The following CRYBG1 variants were observed in gnomAD, a reference collection of about 807,000 sequenced individuals.
CRYBG1 encodes crystallin beta-gamma domain containing 1, also known as beta/gamma crystallin domain-containing protein 1.
CRYBG1 carries 139 observed loss-of-function variants against 189.2 expected under a neutral mutation model. That is an observed-to-expected ratio of 0.73 (90% CI 0.64 to 0.85). The LOEUF (loss-of-function observed/expected upper bound fraction) is 0.85, where lower values mean the gene tolerates loss of function less well. Ranked by LOEUF, CRYBG1 falls within the 40% of genes least tolerant of loss-of-function variation. The probability of loss-of-function intolerance (pLI) is 0.00; values close to 1 mark genes in which losing one functional copy is unlikely to be tolerated. For synonymous variants in CRYBG1, 1,023 were observed against 1,017.1 expected (o/e 1.01, Z -0.11); for missense variants, 2,611 against 2,675.8 (o/e 0.98, Z 0.53).
chr6:106,566,464 CTTTTTTTTTTTT>C (rs34773477), intron 21 of CRYBG1, among the ~76,000 whole-genome samples: 5 of 71,650 alleles, frequency 7.0e-5, no homozygotes, highest in Admixed American at 4.9e-4. Context: ...CAACAACAGT[CTTTTTTTTTTTT>C]TTTTTTTTTT....
chr6:106,543,322 G>A (rs1433372947), intron 10 of CRYBG1, 118 bp from the exon 11 acceptor site: 8 of 1,037,246 alleles, frequency 7.7e-6, no homozygotes, highest in Middle Eastern at 2.9e-4. Flanking sequence ...GAGCCACCGC[G>A]CCCAGTCAGA....
chr6:106,523,208 G>T (rs1026345927), intron 4 of CRYBG1, among the ~76,000 whole-genome samples: 1 of 152,068 alleles, frequency 6.6e-6, no homozygotes, highest in Non-Finnish European at 1.5e-5. Context: ...GGAGACCCCC[G>T]CAGTGGCCTC....
At chr6:106,464,638 G>C (rs1003554664) in intron 2 of CRYBG1, among the ~76,000 whole-genome samples, 1 of 152,190 alleles carries the variant, frequency 6.6e-6, no homozygotes, top group Non-Finnish European at 1.5e-5. Flanking sequence ...ATTAGGGACT[G>C]TTCTGAGCAT....
At chr6:106,447,550 A>ATG (rs1335163401) in intron 1 of CRYBG1, among the ~76,000 whole-genome samples, 1 of 15,478 alleles carries the variant, frequency 6.5e-5, no homozygotes, top group African/African-American at 1.4e-4. Flanking sequence ...CCTCATAAAT[A>ATG]TATATATATA....
At chr6:106,529,781 A>T (rs923069658) in intron 7 of CRYBG1, among the ~76,000 whole-genome samples, 3 of 152,250 alleles carry the variant, frequency 2.0e-5, no homozygotes, top group Non-Finnish European at 4.4e-5. Context: ...ACAGTGGCTG[A>T]GGAAGACTCC....
chr6:106,436,363 A>G (rs1388624076), intron 1 of CRYBG1, among the ~76,000 whole-genome samples: 11 of 146,808 alleles, frequency 7.5e-5, no homozygotes, highest in African/African-American at 2.8e-4. Flanking sequence ...CAGCGGCGCG[A>G]TCTCGGCCCA....
intron 1 of CRYBG1, among the ~76,000 whole-genome samples, chr6:106,404,492 T>A (rs534719059): frequency 6.6e-6 from 1 of 152,312 alleles, no homozygotes; most frequent in East Asian, 1.9e-4. Flanking sequence ...TAAAAAGAAA[T>A]ATTCTATCTG....
rs140212589 is a variant in CRYBG1, at chr6:106,484,620, C to T, written c.313-26810C>T. Among the ~76,000 whole-genome samples, 566 of 152,266 alleles carry T rather than the reference C, an allele frequency of 3.7e-3. 5 individuals carry two copies. Among genetic ancestry groups the T allele is most frequent in the Non-Finnish European group, 6.1e-3 (414 of 68,014 alleles). ...CAGGTGTGAGCCACAGCACCTGGCCCAGCTTTGTCCTCCTTGCTCAGGATT... is the reference window on the plus strand; with the variant it reads ...CAGGTGTGAGCCACAGCACCTGGCCTAGCTTTGTCCTCCTTGCTCAGGATT... On this transcript the variant is annotated intron_variant, in intron 2 of 21. Transcript: ENST00000633556.
intron 1 of CRYBG1, among the ~76,000 whole-genome samples, chr6:106,386,082 C>G (rs552101164): frequency 2.6e-5 from 4 of 152,298 alleles, no homozygotes; most frequent in African/African-American, 9.6e-5. Flanking sequence ...GGTTTCATGG[C>G]TTCATTGGAT....
intron 1 of CRYBG1, among the ~76,000 whole-genome samples, chr6:106,383,565 A>C (rs1278873544): frequency 6.6e-6 from 1 of 152,254 alleles, no homozygotes; most frequent in Non-Finnish European, 1.5e-5. Context: ...TACACAGACT[A>C]GAATAATAGA....
chr6:106,462,776 T>C (rs1772039026), intron 2 of CRYBG1, among the ~76,000 whole-genome samples: 2 of 152,348 alleles, frequency 1.3e-5, no homozygotes, highest in South Asian at 4.1e-4. Context: ...TATACTGGAC[T>C]TGACAGGTGA....
chr6:106,473,097 T>A (rs1320074328), intron 2 of CRYBG1, among the ~76,000 whole-genome samples: 1 of 152,200 alleles, frequency 6.6e-6, no homozygotes, highest in East Asian at 1.9e-4. Context: ...ACAGTGCTCA[T>A]TAGATTGTTC....
chr6:106,381,795 A>G (rs769476466), intron 1 of CRYBG1, among the ~76,000 whole-genome samples: 3 of 152,122 alleles, frequency 2.0e-5, no homozygotes, highest in Non-Finnish European at 4.4e-5. Context: ...GCTTTGGGCA[A>G]TGTGTGCTCC....
chr6:106,427,842 G>A (rs1367554898), intron 1 of CRYBG1, among the ~76,000 whole-genome samples: 4 of 152,082 alleles, frequency 2.6e-5, no homozygotes, highest in African/African-American at 9.7e-5. Flanking sequence ...ATCACCTCCT[G>A]CCTCTGTCTG....
chr6:106,475,607 G>A (rs545800403), intron 2 of CRYBG1, among the ~76,000 whole-genome samples: 16 of 152,154 alleles, frequency 1.1e-4, no homozygotes, highest in Non-Finnish European at 1.8e-4. Flanking sequence ...CGGTCTGTGC[G>A]GGTACATAAA....
chr6:106,501,933 A>G (rs900164271), intron 2 of CRYBG1, among the ~76,000 whole-genome samples: 3 of 152,238 alleles, frequency 2.0e-5, no homozygotes, highest in Non-Finnish European at 4.4e-5. Context: ...ATGAGGTCTC[A>G]AGGTCACTAG....
In CRYBG1 at chr6:106,544,910, G is replaced by C; in HGVS notation, c.5289G>C (p.Gln1763His). Reference sequence around the variant, plus strand: ...AGACTGGATATGGAGTGAAGACACAGTCTATTAATGTACTGAGTGGAGTGT... The same window carrying C: ...AGACTGGATATGGAGTGAAGACACACTCTATTAATGTACTGAGTGGAGTGT... ...LKETGYGVKT[Q>H]SINVLSGVWV... The change falls in exon 13 of 22, where the codon CAG becomes CAC. Residue 1763 changes from glutamine (Q) to histidine (H), a missense_variant. Transcript: ENST00000633556. The C allele has an allele frequency of 6.2e-7, 1 of 1,610,954 alleles. No individual in the cohort carries two copies. The highest frequency in any genetic ancestry group is 1.1e-5 in the South Asian group (1 of 90,256).
Position 106,511,469 on chromosome 6 carries a change from G to A in CRYBG1, c.352G>A (p.Val118Ile), listed in dbSNP as rs1392208557. Residue 118 changes from valine to isoleucine, a missense_variant, in exon 3 of 22, where the codon GTT becomes ATT. By Grantham distance (29) the Val-to-Ile change is conservative. This residue lies in a region of CRYBG1 where 985 missense variants were observed against 924.4 expected (regional missense o/e 1.07). Coordinates refer to ENST00000633556, the MANE Select transcript of CRYBG1 (RefSeq NM_001371242.2). ...TCCAGAAGACAACAGAAGGAAGCCA[G>A]TTTTGGGGAAACTTGGCACTCTATT... ...QPPEDNRRKP[V>I]LGKLGTLFTA... The A allele has an allele frequency of 6.5e-7, 1 of 1,535,884 alleles. No homozygotes were observed. Among genetic ancestry groups the A allele is most frequent in the Admixed American group, 2.0e-5 (1 of 50,992 alleles).
chr6:106,530,336 CA>C, intron 8 of CRYBG1, 21 bp downstream of exon 8: 1 of 1,587,598 alleles, frequency 6.3e-7, no homozygotes, highest in Non-Finnish European at 8.6e-7. Context: ...TTTTTTCAAA[CA>C]AATTTTAATG....
Sources: gnomAD v4.1 joint callset for allele counts (sites outside exome capture counted in the v4.1 genomes callset) on GRCh38, gnomAD v4.1.1 for gene constraint, gnomAD v4.1.1 regional missense constraint, MANE v1.5 for transcripts, NCBI Gene and HGNC (gene_info 2026-07-23, HGNC 2026-07-21) for gene names.